AMBRA1: variants seen among roughly 807,000 people sequenced by gnomAD.
The protein encoded by AMBRA1 is activating molecule in BECN1-regulated autophagy protein 1.
AMBRA1 carries 47 observed loss-of-function variants against 125.4 expected under a neutral mutation model. The observed-to-expected ratio is 0.37, with a 90% CI of 0.30 to 0.48. AMBRA1 has a LOEUF of 0.48. Ranked by LOEUF, AMBRA1 falls within the 20% of genes least tolerant of loss-of-function variation. The probability of loss-of-function intolerance (pLI) is 0.99; values close to 1 mark genes in which losing one functional copy is unlikely to be tolerated. For synonymous variants in AMBRA1, 626 were observed against 655.5 expected (o/e 0.95, Z 0.69); for missense variants, 1,331 against 1,693.4 (o/e 0.79, Z 3.76).
chr11:46,572,961 G>T (rs576789229), intron 1 of AMBRA1, among the ~76,000 whole-genome samples: 74 of 151,728 alleles, frequency 4.9e-4, no homozygotes, highest in Non-Finnish European at 9.0e-4. Flanking sequence ...TGTGGTGGTG[G>T]ACGCCTGTAA....
intron 7 of AMBRA1, among the ~76,000 whole-genome samples, chr11:46,535,914 A>C (rs1952454903): frequency 6.6e-6 from 1 of 152,202 alleles, no homozygotes; most frequent in African/African-American, 2.4e-5. Flanking sequence ...TACAGGCTTC[A>C]GGACAACCCA....
At chr11:46,515,820 C>T (rs141181296) in intron 7 of AMBRA1, among the ~76,000 whole-genome samples, 3,155 of 152,248 alleles carry the variant, frequency 0.021, 50 homozygotes, top group Non-Finnish European at 0.033. Context: ...GGATTAAAGG[C>T]ATGCGCCACC....
intron 1 of AMBRA1, among the ~76,000 whole-genome samples, chr11:46,555,801 C>T (rs560140261): frequency 6.6e-6 from 1 of 152,296 alleles, no homozygotes; most frequent in South Asian, 2.1e-4. Flanking sequence ...ATTCATACCC[C>T]AAATCTTCCC....
At chr11:46,519,762 C>G (rs1308148458) in intron 7 of AMBRA1, among the ~76,000 whole-genome samples, 1 of 152,170 alleles carries the variant, frequency 6.6e-6, no homozygotes, top group African/African-American at 2.4e-5. Context: ...AGCTTTGCAG[C>G]CAAATTTCTC....
intron 15 of AMBRA1, among the ~76,000 whole-genome samples, chr11:46,412,963 A>G (rs954273946): frequency 6.6e-6 from 1 of 152,202 alleles, no homozygotes; most frequent in African/African-American, 2.4e-5. Context: ...GCAATACCAC[A>G]TGGGTCCCTG....
At chr11:46,568,790 C>G (rs979456825) in intron 1 of AMBRA1, among the ~76,000 whole-genome samples, 7 of 145,954 alleles carry the variant, frequency 4.8e-5, no homozygotes, top group African/African-American at 1.8e-4. Context: ...AAAAAAGGAA[C>G]CCTCAACCCT....
At chr11:46,438,173 G>T (rs1565158638) in intron 12 of AMBRA1, among the ~76,000 whole-genome samples, 1 of 152,160 alleles carries the variant, frequency 6.6e-6, no homozygotes. Flanking sequence ...GGGCAGTGAA[G>T]AATGGAAATA....
chr11:46,433,772 G>A (rs1264353903), intron 13 of AMBRA1, 144 bp from the exon 14 acceptor site: 3 of 845,514 alleles, frequency 3.5e-6, no homozygotes, highest in South Asian at 3.6e-5. Context: ...GTAGTGAGGA[G>A]TATGATGAGA....
intron 11 of AMBRA1, among the ~76,000 whole-genome samples, chr11:46,445,542 C>A (rs2171667): frequency 6.6e-6 from 1 of 151,998 alleles, no homozygotes; most frequent in Non-Finnish European, 1.5e-5. Flanking sequence ...GATACCTGAA[C>A]GACTTTATTA....
At chr11:46,576,649 T>C (rs186942403) in intron 1 of AMBRA1, among the ~76,000 whole-genome samples, 72 of 152,336 alleles carry the variant, frequency 4.7e-4, no homozygotes, top group African/African-American at 1.7e-3. Context: ...ACATCCTTTA[T>C]GTTGCAATTA....
At chr11:46,460,002 A>G (rs1291261128) in intron 11 of AMBRA1, among the ~76,000 whole-genome samples, 1 of 152,200 alleles carries the variant, frequency 6.6e-6, no homozygotes, top group African/African-American at 2.4e-5. Context: ...TTTAAGAAGT[A>G]AGAGTGTTAT....
chr11:46,566,785 C>T (rs938561982), intron 1 of AMBRA1, among the ~76,000 whole-genome samples: 1 of 152,118 alleles, frequency 6.6e-6, no homozygotes, highest in Non-Finnish European at 1.5e-5. Context: ...CATTCCTGTG[C>T]GTAGGACAAG....
At chr11:46,410,213 T>C (rs561421424) in intron 16 of AMBRA1, 63 bp downstream of exon 16, 151 of 1,539,660 alleles carry the variant, frequency 9.8e-5, no homozygotes, top group Middle Eastern at 6.8e-4. Flanking sequence ...TAAGAGCCCA[T>C]CAAAAGCAGG....
At chr11:46,411,325 T>G (rs1946285412) in intron 15 of AMBRA1, among the ~76,000 whole-genome samples, 1 of 152,160 alleles carries the variant, frequency 6.6e-6, no homozygotes, top group African/African-American at 2.4e-5. Flanking sequence ...TGGGAGGTGC[T>G]TCCTTCCTAA....
chr11:46,580,939 G>C (rs987082061), intron 1 of AMBRA1, among the ~76,000 whole-genome samples: 1 of 151,896 alleles, frequency 6.6e-6, no homozygotes, highest in African/African-American at 2.4e-5. Context: ...GCACAGGTGT[G>C]AGCCACCGCA....
chr11:46,575,507 C>T (rs940482500), intron 1 of AMBRA1, among the ~76,000 whole-genome samples: 48 of 128,512 alleles, frequency 3.7e-4, no homozygotes, highest in South Asian at 1.0e-3. Flanking sequence ...TTGTTTTTTT[C>T]TTTCCTTTTT....
At chr11:46,549,085 G>A (rs966166660) in intron 1 of AMBRA1, 1 of 151,674 alleles carries the variant, frequency 6.6e-6, no homozygotes, top group African/African-American at 2.4e-5. Flanking sequence ...GAGAAGGAAA[G>A]GGAAGGAAAA....
chr11:46,510,303 T>C lies in AMBRA1; in HGVS notation c.2160-1933A>G, dbSNP rs115631020. ...CTGTTTGGGCCCCTGTTCCCATGCA[T>C]TTTGCAAGGATGAACCACAGAATCC... On this transcript the variant is annotated intron_variant, in intron 8 of 17. Coordinates refer to ENST00000683756, the MANE Select transcript of AMBRA1 (RefSeq NM_001387011.1). Among the ~76,000 whole-genome samples, 410 of 152,342 alleles carry C rather than the reference T, an allele frequency of 2.7e-3. 3 individuals are homozygous for C. Among genetic ancestry groups the C allele is most frequent in the African/African-American group, 9.5e-3 (396 of 41,566 alleles).
At chr11:46,449,192 A>G (rs1323754679) in intron 11 of AMBRA1, among the ~76,000 whole-genome samples, 2 of 152,194 alleles carry the variant, frequency 1.3e-5, no homozygotes. Context: ...TAGCTAATGC[A>G]ATCAGAAACC....
Sources: gnomAD v4.1 joint callset for allele counts (sites outside exome capture counted in the v4.1 genomes callset) on GRCh38, gnomAD v4.1.1 for gene constraint, MANE v1.5 for transcripts, NCBI Gene and HGNC (gene_info 2026-07-23, HGNC 2026-07-21) for gene names.